CCDC195: variants seen among roughly 807,000 people sequenced by gnomAD.
The protein encoded by CCDC195 is coiled-coil domain containing 195, also known as coiled-coil domain-containing protein 195.
Position 224,706,189 on chromosome 2 carries a change from C to CTTTTTTTTTTTTTTTTTTTTTTTTTTT in CCDC195, c.483-2329_483-2303dup, listed in dbSNP as rs201012911. The stretch of plus-strand genomic sequence containing the variant: ...TGTATATTGCCTCTATATTTTGTAA[C>CTTTTTTTTTTTTTTTTTTTTTTTTTTT]TTTTTTTTTTTTTTTTTTTTTTTTT... On this transcript the variant is annotated intron_variant, in intron 2 of 2. Transcript: ENST00000638102. Among the ~76,000 whole-genome samples the CTTTTTTTTTTTTTTTTTTTTTTTTTTT allele has an allele frequency of 9.0e-5, 3 of 33,340 alleles. 1 individual carries two copies. The highest frequency in any genetic ancestry group is 1.4e-4 in the Non-Finnish European group (3 of 21,484). 21.9% of individuals were successfully genotyped at this position (33,340 alleles called of 152,430 possible).
At chr2:224,712,130 T>C (rs898863432) in intron 1 of CCDC195, among the ~76,000 whole-genome samples, 1 of 152,240 alleles carries the variant, frequency 6.6e-6, no homozygotes, top group Admixed American at 6.5e-5. Context: ...ATAGGCTTAT[T>C]GTTCATCTCC....
At chr2:224,704,734 T>C (rs1697221153) in intron 2 of CCDC195, among the ~76,000 whole-genome samples, 1 of 151,734 alleles carries the variant, frequency 6.6e-6, no homozygotes, top group Admixed American at 6.6e-5. Flanking sequence ...GCTATTCTTC[T>C]GCCTCAGCCT....
chr2:224,707,483 C>T (rs1210593177), intron 2 of CCDC195, among the ~76,000 whole-genome samples: 1 of 152,222 alleles, frequency 6.6e-6, no homozygotes, highest in African/African-American at 2.4e-5. Flanking sequence ...CACTCTCTCT[C>T]TCCCTTCTTT....
intron 1 of CCDC195, among the ~76,000 whole-genome samples, chr2:224,715,512 A>C (rs1436817999): frequency 6.6e-6 from 1 of 152,244 alleles, no homozygotes; most frequent in Non-Finnish European, 1.5e-5. Context: ...TTATTAGTAA[A>C]ACATGGATAG....
chr2:224,716,170 C>T (rs986255987), exon 1 of CCDC195: 10 of 398,590 alleles, frequency 2.5e-5, no homozygotes, highest in Middle Eastern at 6.2e-4. Flanking sequence ...TCAGTGGAAA[C>T]GGCACCCTGA....
chr2:224,712,648 A>T (rs1034923887), intron 1 of CCDC195, among the ~76,000 whole-genome samples: 1 of 152,158 alleles, frequency 6.6e-6, no homozygotes, highest in Non-Finnish European at 1.5e-5. Flanking sequence ...GCTCTAAGTG[A>T]TCCACTTCCA....
chr2:224,711,438 C>T (rs557320894), intron 1 of CCDC195, among the ~76,000 whole-genome samples: 4 of 149,678 alleles, frequency 2.7e-5, no homozygotes, highest in Non-Finnish European at 3.0e-5. Flanking sequence ...TATGTCTGAA[C>T]GCCAGCTCTT....
chr2:224,707,988 C>CTCCCTCCCTCCCTCCT, intron 2 of CCDC195, among the ~76,000 whole-genome samples: 1 of 68,494 alleles, frequency 1.5e-5, no homozygotes, highest in East Asian at 4.5e-4. Flanking sequence ...CCCTCCCTCC[C>CTCCCTCCCTCCCTCCT]TCCCTCCCTC....
At chr2:224,706,663 A>G (rs1697244037) in intron 2 of CCDC195, among the ~76,000 whole-genome samples, 1 of 148,824 alleles carries the variant, frequency 6.7e-6, no homozygotes, top group Non-Finnish European at 1.5e-5. Flanking sequence ...GGTGCCCACC[A>G]CCACGCCTGG....
At chr2:224,713,980 CCTTTT>C (rs373266230) in intron 1 of CCDC195, among the ~76,000 whole-genome samples, 15 of 151,658 alleles carry the variant, frequency 9.9e-5, no homozygotes, top group African/African-American at 3.6e-4. Flanking sequence ...CCTGGCTAAT[CCTTTT>C]CTTTTCTTTT....
intron 2 of CCDC195, among the ~76,000 whole-genome samples, chr2:224,708,938 C>A (rs73996446): frequency 3.9e-5 from 6 of 152,016 alleles, no homozygotes; most frequent in African/African-American, 1.2e-4. Context: ...AGAGAGGGGG[C>A]AGTGCATGCT....
At chr2:224,707,999 CCTTCCTTCCTTT>C (rs1364786150) in intron 2 of CCDC195, among the ~76,000 whole-genome samples, 1 of 65,504 alleles carries the variant, frequency 1.5e-5, no homozygotes, top group Admixed American at 1.4e-4. Flanking sequence ...TCCCTCCCTC[CCTTCCTTCCTTT>C]CTTCCTTCCT....
intron 2 of CCDC195, among the ~76,000 whole-genome samples, chr2:224,706,015 T>C (rs1697236088): frequency 4.6e-5 from 7 of 152,020 alleles, no homozygotes; most frequent in Admixed American, 4.6e-4. Flanking sequence ...GCATTGTATG[T>C]CTGTGAGAAT....
Position 224,710,196 on chromosome 2 carries a change from A to G in CCDC195, c.259T>C (p.Tyr87His), listed in dbSNP as rs554985304. 6 of 398,648 alleles carry G rather than the reference A, an allele frequency of 1.5e-5. No individual in the cohort carries two copies. In the South Asian group the frequency reaches 7.6e-4, roughly 51 times the overall value. 24.7% of individuals were successfully genotyped at this position (398,648 alleles called of 1,614,324 possible). ...GAGCAAACTGATGATGAAATGGAAT[A>G]GCGTCTAACAATCATGACATTGCCT... The change falls in exon 2 of 3, where the codon TAT becomes CAT. Residue 87 changes from tyrosine to histidine, a missense_variant. By Grantham distance (83) the Tyr-to-His change is moderately conservative (BLOSUM62 2). Transcript: ENST00000638102.
At chr2:224,709,248 C>G (rs1044692901) in intron 2 of CCDC195, among the ~76,000 whole-genome samples, 2 of 152,002 alleles carry the variant, frequency 1.3e-5, no homozygotes, top group African/African-American at 4.8e-5. Flanking sequence ...GCCACCATGC[C>G]TGGCTAATTT....
intron 1 of CCDC195, 24 bp downstream of exon 1, chr2:224,716,107 C>T: frequency 2.5e-6 from 1 of 398,538 alleles, no homozygotes; most frequent in Non-Finnish European, 4.4e-6. Context: ...GCACAGCCCA[C>T]AAGAGCTCAG....
chr2:224,707,333 C>G (rs1302608296), intron 2 of CCDC195, among the ~76,000 whole-genome samples: 2 of 152,210 alleles, frequency 1.3e-5, no homozygotes. Context: ...CCTACCTGTC[C>G]TTCTGCACAC....
chr2:224,710,278 T>C, intron 1 of CCDC195, 59 bp from the exon 2 acceptor site: 1 of 398,008 alleles, frequency 2.5e-6, no homozygotes, highest in Non-Finnish European at 4.4e-6. Context: ...CACTCACAAA[T>C]GAAAAATGAT....
At chr2:224,714,961 A>G (rs1689362894) in intron 1 of CCDC195, among the ~76,000 whole-genome samples, 1 of 151,474 alleles carries the variant, frequency 6.6e-6, no homozygotes, top group African/African-American at 2.4e-5. Flanking sequence ...ATGGAGTCTC[A>G]CTCTGTTGCC....
Sources: allele counts gnomAD v4.1 joint callset (sites outside exome capture counted in the v4.1 genomes callset), GRCh38; gene constraint gnomAD v4.1.1; transcripts MANE v1.5; gene names NCBI Gene and HGNC (gene_info 2026-07-23, HGNC 2026-07-21).